Variants in CRY1 observed in about 807,000 individuals in gnomAD.
CRY1 encodes cryptochrome-1.
A neutral mutation model predicts 76.0 loss-of-function variants in CRY1; 45 were observed. The observed-to-expected ratio is 0.59, with a 90% CI of 0.47 to 0.76. The LOEUF (loss-of-function observed/expected upper bound fraction) is 0.76, where lower values mean the gene tolerates loss of function less well. Among genes scored for constraint, CRY1 ranks in the 30% least tolerant of loss-of-function variants. The pLI is 0.00. For synonymous variants in CRY1, 248 were observed against 244.0 expected (o/e 1.02, Z -0.15); for missense variants, 587 against 716.4 (o/e 0.82, Z 2.06).
chr12:107,020,760 C>A (rs1952547188), intron 2 of CRY1, among the ~76,000 whole-genome samples: 2 of 151,952 alleles, frequency 1.3e-5, no homozygotes, highest in Admixed American at 1.3e-4. Context: ...TATTTCTTTG[C>A]AGCAATGTGA....
intron 1 of CRY1, among the ~76,000 whole-genome samples, chr12:107,082,040 G>A (rs1012046936): frequency 6.6e-6 from 1 of 151,942 alleles, no homozygotes; most frequent in Non-Finnish European, 1.5e-5. Flanking sequence ...CTGCTTAGGG[G>A]TTGCAATCCT....
At chr12:107,070,972 G>A (rs1953184426) in intron 1 of CRY1, among the ~76,000 whole-genome samples, 2 of 151,716 alleles carry the variant, frequency 1.3e-5, no homozygotes, top group Non-Finnish European at 2.9e-5. Context: ...CCAAAGTGCT[G>A]GGATTACAGG....
intron 1 of CRY1, among the ~76,000 whole-genome samples, chr12:107,068,750 A>AT (rs1343501836): frequency 2.0e-5 from 3 of 151,832 alleles, no homozygotes; most frequent in Non-Finnish European, 2.9e-5. Context: ...ATCACTCTCT[A>AT]TTTTTCCCCC....
chr12:107,009,562 ACATATATATATAT>A (rs1392844330), intron 2 of CRY1, among the ~76,000 whole-genome samples: 1 of 52,982 alleles, frequency 1.9e-5, no homozygotes, highest in Non-Finnish European at 3.3e-5. Flanking sequence ...AAACAAAAAA[ACATATATATATAT>A]ATATATATAT....
chr12:107,049,460 C>T (rs1276931664), intron 1 of CRY1, among the ~76,000 whole-genome samples: 7 of 152,098 alleles, frequency 4.6e-5, no homozygotes, highest in South Asian at 2.1e-4. Context: ...CTGCAGCCTC[C>T]GCCTCCTGGG....
chr12:107,029,637 T>A (rs140044756), intron 1 of CRY1, among the ~76,000 whole-genome samples: 3,778 of 151,144 alleles, frequency 0.025, 78 homozygotes, highest in Non-Finnish European at 0.041. Context: ...TCAATCATTA[T>A]GACAACTGAA....
At chr12:107,068,942 A>G (rs1953145324) in intron 1 of CRY1, among the ~76,000 whole-genome samples, 1 of 152,178 alleles carries the variant, frequency 6.6e-6, no homozygotes, top group African/African-American at 2.4e-5. Flanking sequence ...TGAAGAGACC[A>G]TATTTTGTTT....
At chr12:107,045,454 T>G (rs1277213515) in intron 1 of CRY1, among the ~76,000 whole-genome samples, 3 of 152,066 alleles carry the variant, frequency 2.0e-5, no homozygotes, top group Non-Finnish European at 4.4e-5. Flanking sequence ...GGTCAAGAGA[T>G]AGAGACAAGC....
chr12:107,045,677 T>G (rs1345579021), intron 1 of CRY1, among the ~76,000 whole-genome samples: 2 of 152,016 alleles, frequency 1.3e-5, no homozygotes, highest in Non-Finnish European at 2.9e-5. Context: ...TTGTATAAGG[T>G]GTAAGGAAGG....
At chr12:107,091,861 C>T (rs965324302) in intron 1 of CRY1, among the ~76,000 whole-genome samples, 2 of 152,214 alleles carry the variant, frequency 1.3e-5, no homozygotes, top group Non-Finnish European at 2.9e-5. Flanking sequence ...TTCAGGTCTG[C>T]TCAAGTGTCA....
At chr12:107,011,796 T>C (rs1279869940) in intron 2 of CRY1, among the ~76,000 whole-genome samples, 3 of 152,202 alleles carry the variant, frequency 2.0e-5, no homozygotes. Context: ...TCTAAGATAA[T>C]GAATTAAGGT....
chr12:106,996,532 T>C (rs1952235681), intron 10 of CRY1, among the ~76,000 whole-genome samples: 1 of 152,242 alleles, frequency 6.6e-6, no homozygotes, highest in Admixed American at 6.5e-5. Context: ...TTCTAGATCT[T>C]TGAGGAATCA....
At chr12:107,085,402 T>C (rs1953386056) in intron 1 of CRY1, among the ~76,000 whole-genome samples, 1 of 152,150 alleles carries the variant, frequency 6.6e-6, no homozygotes, top group South Asian at 2.1e-4. Flanking sequence ...AGCAAAGACT[T>C]GGAACCAACC....
At chr12:107,025,282 T>C (rs546643203) in intron 1 of CRY1, among the ~76,000 whole-genome samples, 36 of 152,348 alleles carry the variant, frequency 2.4e-4, no homozygotes, top group African/African-American at 8.4e-4. Context: ...ACACTACATA[T>C]GTATCTGGTT....
chr12:107,031,777 A>T (rs1358737012), intron 1 of CRY1, among the ~76,000 whole-genome samples: 1 of 152,204 alleles, frequency 6.6e-6, no homozygotes, highest in Non-Finnish European at 1.5e-5. Context: ...AGAGGTCATT[A>T]AAAATAGAGA....
chr12:107,000,609 C>A (rs1952297330), intron 5 of CRY1, among the ~76,000 whole-genome samples: 1 of 151,872 alleles, frequency 6.6e-6, no homozygotes, highest in African/African-American at 2.4e-5. Context: ...CTCAGCCTCC[C>A]AAAGTGTTGG....
chr12:107,006,353 C>T (rs562004947), intron 2 of CRY1, among the ~76,000 whole-genome samples: 9 of 151,386 alleles, frequency 5.9e-5, no homozygotes, highest in Non-Finnish European at 1.0e-4. Flanking sequence ...CCAGACTGAG[C>T]GACAGGAGCG....
intron 1 of CRY1, among the ~76,000 whole-genome samples, chr12:107,029,930 G>C (rs1952657571): frequency 6.6e-6 from 1 of 152,078 alleles, no homozygotes; most frequent in Admixed American, 6.5e-5. Flanking sequence ...TCCTTGTTTT[G>C]ATATGGGGAG....
At chr12:107,012,422 T>C (rs1346207015) in intron 2 of CRY1, among the ~76,000 whole-genome samples, 1 of 152,212 alleles carries the variant, frequency 6.6e-6, no homozygotes, top group Non-Finnish European at 1.5e-5. Flanking sequence ...GGTTTATACA[T>C]ATTTTAAGCT....
Sources: gnomAD v4.1 joint callset for allele counts (sites outside exome capture counted in the v4.1 genomes callset) on GRCh38, gnomAD v4.1.1 for gene constraint, MANE v1.5 for transcripts, NCBI Gene and HGNC (gene_info 2026-07-23, HGNC 2026-07-21) for gene names.